The following ANKRD50 variants were observed in gnomAD, a reference collection of about 807,000 sequenced individuals.
ANKRD50 encodes the protein ankyrin repeat domain 50.
ANKRD50 carries 40 observed loss-of-function variants against 112.0 expected under a neutral mutation model. The ratio of observed to expected loss-of-function variants is 0.36; its 90% CI spans 0.28 to 0.46. The LOEUF is 0.46. Among genes scored for constraint, ANKRD50 ranks in the 20% least tolerant of loss-of-function variants. ANKRD50 has a pLI of 1.00. For missense variants in ANKRD50, 1,487 were observed against 1,701.7 expected (o/e 0.87, Z 2.22); for synonymous variants, 613 against 619.1 (o/e 0.99, Z 0.15).
At chr4:124,673,545 C>A (rs547367184) in intron 3 of ANKRD50, among the ~76,000 whole-genome samples, 2 of 152,098 alleles carry the variant, frequency 1.3e-5, no homozygotes, top group African/African-American at 4.8e-5. Context: ...GCAGCAGCAG[C>A]AAAAATAACG....
At chr4:124,678,588 G>A (rs1724797068) in intron 3 of ANKRD50, 88 bp downstream of exon 3, 10 of 1,176,760 alleles carry the variant, frequency 8.5e-6, no homozygotes, top group South Asian at 2.9e-5. Flanking sequence ...AATGCAACAC[G>A]CAGATGTTCA....
In ANKRD50 at chr4:124,670,596, T is replaced by C. The variant is rs1406002372; in HGVS notation, c.2681A>G (p.Asp894Gly). The C allele has an allele frequency of 1.2e-6, 2 of 1,613,282 alleles. No homozygotes were observed. The highest frequency in any genetic ancestry group is 1.7e-6 in the Non-Finnish European group (2 of 1,179,792). ...FILASQEGHY[D>G]CVQILLENKS... ...GTTTTCCAGTAATATTTGAACACAA[T>C]CATAATGACCCTCTTGTGAAGCTAA... Residue 894 changes from aspartate (D) to glycine (G), a missense_variant, in exon 4 of 5, where the codon GAT becomes GGT. Physicochemically the swap from Asp to Gly is moderately conservative, Grantham distance 94 (BLOSUM62 -1). This residue lies in a region of ANKRD50 where 1,046 missense variants were observed against 1,269.5 expected (regional missense o/e 0.82). Transcript: ENST00000504087.
chr4:124,702,250 C>T (rs181309552), intron 2 of ANKRD50, among the ~76,000 whole-genome samples: 11 of 152,164 alleles, frequency 7.2e-5, no homozygotes, highest in African/African-American at 2.4e-4. Context: ...CTAAAGAAAA[C>T]ACTGTTTTAC....
chr4:124,699,567 C>T (rs2110524858), intron 2 of ANKRD50, among the ~76,000 whole-genome samples: 1 of 152,126 alleles, frequency 6.6e-6, no homozygotes, highest in South Asian at 2.1e-4. Flanking sequence ...TTCCACAGAT[C>T]AAACTATGGA....
chr4:124,670,525 G>A lies in ANKRD50; in HGVS notation c.2752C>T (p.Arg918Trp), dbSNP rs371516395. Residue 918 changes from arginine (R) to tryptophan (W), a missense_variant, in exon 4 of 5, where the codon CGG (arginine) becomes TGG (tryptophan). Around this residue, in one of 2 missense-constraint regions of ANKRD50, gnomAD observed 1,046 missense variants for 1,269.5 expected, o/e 0.82. Coordinates refer to ENST00000504087, the MANE Select transcript of ANKRD50 (RefSeq NM_020337.3). ...CTGTGCCCTTCTAATGCAGCAACCC[G>A]CAGTGCATTTCTTCCATCATAACCT... ...QRGYDGRNALRVAALEGHRDI... is the reference protein window; with the variant it reads ...QRGYDGRNALWVAALEGHRDI... 18 of 1,613,338 alleles carry A rather than the reference G, an allele frequency of 1.1e-5. No individual in the cohort carries two copies. The highest frequency in any genetic ancestry group is 1.4e-5 in the Non-Finnish European group (17 of 1,179,766).
At chr4:124,683,275 A>T (rs930941300) in intron 2 of ANKRD50, among the ~76,000 whole-genome samples, 6 of 149,824 alleles carry the variant, frequency 4.0e-5, no homozygotes, top group African/African-American at 1.5e-4. Context: ...CATTATAGTT[A>T]AAAAAAACTA....
intron 2 of ANKRD50, among the ~76,000 whole-genome samples, chr4:124,701,563 G>A (rs1354288427): frequency 1.2e-5 from 1 of 82,882 alleles, no homozygotes; most frequent in Non-Finnish European, 2.4e-5. Context: ...GAAATATTTC[G>A]AGATTAGGTT....
intron 3 of ANKRD50, among the ~76,000 whole-genome samples, chr4:124,675,135 G>A (rs1730744036): frequency 6.6e-6 from 1 of 151,618 alleles, no homozygotes; most frequent in Non-Finnish European, 1.5e-5. Context: ...ATTCTTACTT[G>A]AATAGAAGTA....
chr4:124,669,339 G>T lies in ANKRD50; in HGVS notation c.3938C>A (p.Ser1313Tyr), dbSNP rs1730573563. 4 of 1,613,566 alleles carry T rather than the reference G, an allele frequency of 2.5e-6. No homozygotes were observed. In the African/African-American group the frequency reaches 4.0e-5, roughly 16 times the overall value. ...QFDRRGPIAK[S>Y]GTAAPPKQMP... ...TTGTTTAGGTGGTGCAGCAGTCCCG[G>T]ATTTGGCTATAGGTCCTCTTCTATC... is the stretch of plus-strand genomic sequence containing the variant. Residue 1313 changes from serine to tyrosine, a missense_variant, in exon 4 of 5, where the codon TCC becomes TAC. Ser to Tyr is a moderately radical substitution (Grantham distance 144). Around this residue, in one of 2 missense-constraint regions of ANKRD50, gnomAD observed 441 missense variants for 432.2 expected, o/e 1.02. Transcript: ENST00000504087.
intron 2 of ANKRD50, among the ~76,000 whole-genome samples, chr4:124,709,481 ATTAG>A (rs1039822442): frequency 3.3e-5 from 5 of 152,126 alleles, no homozygotes; most frequent in Non-Finnish European, 5.9e-5. Context: ...CAGTTTTTCA[ATTAG>A]TTAGTTAATA....
Position 124,682,304 on chromosome 4 carries a change from C to T in ANKRD50, c.513-3399G>A, listed in dbSNP as rs1014906315. On this transcript the variant is annotated intron_variant, in intron 2 of 4. Transcript: ENST00000504087. ...GCAGTCCGCAGTCCGGCCTGGGCGA[C>T]AGAGCAAGACTCCGTCTCAAAAAAA... 2.5e-5 allele frequency among the ~76,000 whole-genome samples: 3 copies of T among 120,664 alleles called. No individual in the cohort carries two copies. The South Asian group carries it at 8.0e-4, about 32-fold the overall frequency. 79.2% of individuals were successfully genotyped at this position (120,664 alleles called of 152,430 possible).
intron 2 of ANKRD50, among the ~76,000 whole-genome samples, chr4:124,703,726 T>C (rs887845604): frequency 9.9e-5 from 15 of 152,182 alleles, no homozygotes; most frequent in South Asian, 4.2e-4. Context: ...ATTTGCTGCA[T>C]TGGGGTAAAA....
In ANKRD50 at chr4:124,671,042, A is replaced by T; in HGVS notation, c.2235T>A (p.Asp745Glu). The T allele has an allele frequency of 6.2e-7, 1 of 1,613,796 alleles. No homozygotes were observed. Among genetic ancestry groups the T allele is most frequent in the African/African-American group, 1.3e-5 (1 of 75,002 alleles). The change falls in exon 4 of 5, where the codon GAT becomes GAA. Residue 745 changes from aspartate (D) to glutamate (E), a missense_variant. By Grantham distance (45) the Asp-to-Glu change is conservative. Around this residue, in one of 2 missense-constraint regions of ANKRD50, gnomAD observed 1,046 missense variants for 1,269.5 expected, o/e 0.82. Coordinates refer to ENST00000504087, the MANE Select transcript of ANKRD50 (RefSeq NM_020337.3). ...IDRGAEVDHC[D>E]KDGMTPLLVA... ...CCAGCAGTGGAGTCATGCCATCTTT[A>T]TCACAATGATCTACTTCAGCACCTC...
intron 2 of ANKRD50, among the ~76,000 whole-genome samples, chr4:124,703,246 AT>A (rs1725431502): frequency 6.6e-6 from 1 of 152,182 alleles, no homozygotes; most frequent in Admixed American, 6.5e-5. Flanking sequence ...CTAAAGGCAA[AT>A]TGAGCAGTAC....
At position 124,678,746 on chromosome 4, in the gene ANKRD50, G is replaced by A; in HGVS notation, c.672C>T (p.Phe224=). 6.2e-7 allele frequency: 1 copy of A among 1,613,880 alleles called. No homozygotes were observed. The highest frequency in any genetic ancestry group is 8.5e-7 in the Non-Finnish European group (1 of 1,179,806). Residue 224 remains phenylalanine (F), a synonymous_variant, in exon 3 of 5, where the codon TTC becomes TTT. Coordinates refer to ENST00000504087, the MANE Select transcript of ANKRD50 (RefSeq NM_020337.3). ...AGAGAAGCAATAGCCATGGTGGAAA[G>A]AACTCATGGTGACCAGCTAAAAGTG... is the stretch of plus-strand genomic sequence containing the variant. ...VAALLAGHHE[F]FPPWLLLLCS...
intron 2 of ANKRD50, among the ~76,000 whole-genome samples, chr4:124,690,349 T>C (rs1725107893): frequency 6.6e-6 from 1 of 152,208 alleles, no homozygotes; most frequent in Non-Finnish European, 1.5e-5. Flanking sequence ...TTTCCTATAC[T>C]CTTGATAACT....
At position 124,710,705 on chromosome 4, in the gene ANKRD50, G is replaced by T; in HGVS notation, c.-194C>A. The T allele has an allele frequency of 1.5e-6, 1 of 663,414 alleles. No homozygotes were observed. Among genetic ancestry groups the T allele is most frequent in the Non-Finnish European group, 2.5e-6 (1 of 395,716 alleles). 41.1% of individuals were successfully genotyped at this position (663,414 alleles called of 1,614,324 possible). Reference sequence around the variant, plus strand: ...TTTGGTTCCTTATTCTTGATCAGCAGTCTATGTATTAGTTGTTGAACTGAG... The same window carrying T: ...TTTGGTTCCTTATTCTTGATCAGCATTCTATGTATTAGTTGTTGAACTGAG... On this transcript the variant is annotated 5_prime_UTR_variant, in exon 2 of 5. In the 5' UTR this introduces an upstream ATG that the reference lacks. Transcript: ENST00000504087.
Position 124,710,093 on chromosome 4 carries a change from A to G in ANKRD50, c.419T>C (p.Leu140Pro). Residue 140 changes from leucine to proline, a missense_variant, in exon 2 of 5, where the codon CTC (leucine) becomes CCC (proline). Around this residue, in one of 2 missense-constraint regions of ANKRD50, gnomAD observed 1,046 missense variants for 1,269.5 expected, o/e 0.82. Transcript: ENST00000504087. ...LVAQICRSGL[L>P]QGYEDKLRDP... ...CCTTAGCTTGTCCTCATATCCTTGG[A>G]GTAGTCCACTGCGGCAGATCTGGGC... 6.2e-7 allele frequency: 1 copy of G among 1,614,124 alleles called. No individual in the cohort carries two copies. The highest frequency in any genetic ancestry group is 8.5e-7 in the Non-Finnish European group (1 of 1,180,030).
In ANKRD50 at chr4:124,665,717, CATTTGAGTT is replaced by C. The variant is rs1167690290; in HGVS notation, c.*1792_*1800del. 5 of 152,440 alleles carry C rather than the reference CATTTGAGTT, an allele frequency of 3.3e-5. No individual in the cohort carries two copies. Among genetic ancestry groups the C allele is most frequent in the African/African-American group, 1.2e-4 (5 of 41,516 alleles). 9.4% of individuals were successfully genotyped at this position (152,440 alleles called of 1,614,324 possible). A position where few individuals can be genotyped will look rare whatever the true frequency, so the allele number is the denominator to read the frequency against. ...AAGAATTCAATACTTGAAACATTCA[CATTTGAGTT>C]ATTAATATTGCCATGTCACCTTAAT... On this transcript the variant is annotated 3_prime_UTR_variant, in exon 5 of 5. Coordinates refer to ENST00000504087, the MANE Select transcript of ANKRD50 (RefSeq NM_020337.3).
Sources: gnomAD v4.1 joint callset for allele counts (sites outside exome capture counted in the v4.1 genomes callset) on GRCh38, gnomAD v4.1.1 for gene constraint, gnomAD v4.1.1 regional missense constraint, MANE v1.5 for transcripts, NCBI Gene and HGNC (gene_info 2026-07-23, HGNC 2026-07-21) for gene names.